The following PTPRT variants were observed in gnomAD, a reference collection of about 807,000 sequenced individuals.
PTPRT encodes the protein receptor-type tyrosine-protein phosphatase T.
Under a neutral mutation model 176.8 loss-of-function variants are expected in PTPRT, and 56 were observed. The ratio of observed to expected loss-of-function variants is 0.32; its 90% CI spans 0.26 to 0.40. PTPRT has a LOEUF of 0.40. PTPRT is among the 10% of genes least tolerant of loss of function. PTPRT has a pLI of 1.00. For missense variants in PTPRT, 1,540 were observed against 1,908.2 expected, an observed-to-expected ratio of 0.81 and a Z score of 3.60; for synonymous variants, 783 against 739.0, an observed-to-expected ratio of 1.06 and a Z score of -0.96.
chr20:42,043,791 T>C, the PTPRT span, among the ~76,000 whole-genome samples: 1 of 152,178 alleles, frequency 6.6e-6, no homozygotes, highest in African/African-American at 2.4e-5. Flanking sequence ...GGACAATCGA[T>C]TTGTTTATTA....
At chr20:42,410,662 C>T (rs1167646732) in intron 9 of PTPRT, among the ~76,000 whole-genome samples, 1 of 151,530 alleles carries the variant, frequency 6.6e-6, no homozygotes, top group Non-Finnish European at 1.5e-5. Context: ...CGAGATAGAC[C>T]ATATACCATA....
At chr20:42,635,564 TG>T (rs1476839892) in intron 7 of PTPRT, among the ~76,000 whole-genome samples, 2 of 152,194 alleles carry the variant, frequency 1.3e-5, no homozygotes. Context: ...TTATTATTTT[TG>T]TTGCTAAAAC....
intron 17 of PTPRT, among the ~76,000 whole-genome samples, chr20:42,161,017 G>A (rs537412642): frequency 6.6e-6 from 1 of 152,288 alleles, no homozygotes; most frequent in Admixed American, 6.5e-5. Context: ...ATAGTGAATG[G>A]AGGTGAGACT....
intron 2 of PTPRT, among the ~76,000 whole-genome samples, chr20:42,872,860 C>G (rs941154184): frequency 6.6e-6 from 1 of 152,088 alleles, no homozygotes; most frequent in Non-Finnish European, 1.5e-5. Flanking sequence ...AGCTCAAAGT[C>G]TGAGGTTAGT....
At chr20:42,879,193 G>C (rs181063663) in intron 2 of PTPRT, among the ~76,000 whole-genome samples, 3 of 152,230 alleles carry the variant, frequency 2.0e-5, no homozygotes, top group African/African-American at 7.2e-5. Flanking sequence ...CCATGAGCTG[G>C]GTGGCTTAAG....
chr20:43,155,239 T>A (rs1036494321), intron 1 of PTPRT, among the ~76,000 whole-genome samples: 1 of 152,192 alleles, frequency 6.6e-6, no homozygotes, highest in Admixed American at 6.5e-5. Flanking sequence ...TGAAGAGATA[T>A]CTGCATTCCC....
chr20:42,563,331 GC>G (rs1273999707), intron 7 of PTPRT, among the ~76,000 whole-genome samples: 4 of 152,090 alleles, frequency 2.6e-5, no homozygotes, highest in African/African-American at 4.8e-5. Flanking sequence ...ATTAAAACAA[GC>G]TATTATTTTT....
intron 7 of PTPRT, among the ~76,000 whole-genome samples, chr20:42,609,363 C>T (rs2009421): frequency 0.052 from 7,841 of 152,160 alleles, 728 homozygotes; most frequent in African/African-American, 0.18. Flanking sequence ...CTTGAGCCAC[C>T]GCACCCAGCC....
intron 1 of PTPRT, among the ~76,000 whole-genome samples, chr20:43,097,011 C>G (rs564758055): frequency 6.6e-6 from 1 of 152,176 alleles, no homozygotes; most frequent in South Asian, 2.1e-4. Context: ...AAGGCCTCAG[C>G]GACCATAAAT....
At chr20:42,507,385 A>C (rs1400658262) in intron 7 of PTPRT, among the ~76,000 whole-genome samples, 1 of 152,112 alleles carries the variant, frequency 6.6e-6, no homozygotes, top group Admixed American at 6.5e-5. Flanking sequence ...TATGTCACTT[A>C]CACTCACACG....
chr20:42,073,520 T>A lies in PTPRT; in HGVS notation c.*7359A>T, dbSNP rs1406904659. ...GTAAGAAAAGCCCTGCTCTGTGTCC[T>A]ACTTGGACCTTCACTGGTTCTGGCT... On this transcript the variant is annotated 3_prime_UTR_variant, in exon 31 of 31. Transcript: ENST00000373187. The A allele has an allele frequency of 4.7e-6, 1 of 213,482 alleles. No individual in the cohort carries two copies. Among genetic ancestry groups the A allele is most frequent in the Non-Finnish European group, 9.5e-6 (1 of 105,334 alleles). The allele number at this position is 213,482 out of a possible 1,614,324, so 13.2% of individuals were successfully genotyped here. A position where few individuals can be genotyped will look rare whatever the true frequency, so the allele number is the denominator to read the frequency against.
intron 1 of PTPRT, among the ~76,000 whole-genome samples, chr20:43,103,306 C>T (rs11904923): frequency 1.6e-3 from 245 of 152,292 alleles, no homozygotes; most frequent in African/African-American, 5.7e-3. Flanking sequence ...TGGGGATTTT[C>T]GGTCAGACAA....
rs1432197004 is a variant in PTPRT at position 42,106,135 on chromosome 20, T to C, written c.3390+651A>G. 2.6e-5 allele frequency among the ~76,000 whole-genome samples: 4 copies of C among 152,232 alleles called. No individual in the cohort carries two copies. In the East Asian group the frequency reaches 7.7e-4, roughly 29 times the overall value. On this transcript the variant is annotated intron_variant, in intron 24 of 30. Coordinates refer to ENST00000373187, the MANE Select transcript of PTPRT (RefSeq NM_007050.6). ...ATAAATTGGAGATAATACTAGGAGC[T>C]ACACCATAGCTGGTTTGGAGGAGTA...
At chr20:42,687,451 C>T (rs1399360160) in intron 6 of PTPRT, 1 of 152,310 alleles carries the variant, frequency 6.6e-6, no homozygotes, top group Non-Finnish European at 1.5e-5. Context: ...CCTTATCCCC[C>T]AAAACCTCAA....
At chr20:42,644,558 G>A (rs561351144) in intron 7 of PTPRT, among the ~76,000 whole-genome samples, 184 of 152,208 alleles carry the variant, frequency 1.2e-3, no homozygotes, top group African/African-American at 4.2e-3. Flanking sequence ...GGGGACAGGG[G>A]CTATAGGATG....
chr20:43,124,490 T>C (rs1037524223), intron 1 of PTPRT, among the ~76,000 whole-genome samples: 1 of 152,158 alleles, frequency 6.6e-6, no homozygotes, highest in African/African-American at 2.4e-5. Flanking sequence ...TGGCTGTGCA[T>C]TTGGACCCCA....
At chr20:43,134,734 A>C (rs1401373367) in intron 1 of PTPRT, among the ~76,000 whole-genome samples, 1 of 152,150 alleles carries the variant, frequency 6.6e-6, no homozygotes, top group African/African-American at 2.4e-5. Flanking sequence ...CTAGCTACCT[A>C]TTTTCTAATT....
chr20:42,452,653 A>G (rs140891511), intron 8 of PTPRT, among the ~76,000 whole-genome samples: 85 of 152,278 alleles, frequency 5.6e-4, no homozygotes, highest in Non-Finnish European at 1.0e-3. Flanking sequence ...CTGATGGACA[A>G]TAAGAAGTGT....
chr20:42,363,015 A>G (rs1448594800), intron 9 of PTPRT, among the ~76,000 whole-genome samples: 5 of 149,084 alleles, frequency 3.4e-5, no homozygotes, highest in African/African-American at 1.2e-4. Context: ...GAGGCAGGAG[A>G]ATCACTTGAA....
Sources: gnomAD v4.1 joint callset for allele counts (sites outside exome capture counted in the v4.1 genomes callset) on GRCh38, gnomAD v4.1.1 for gene constraint, MANE v1.5 for transcripts, NCBI Gene and HGNC (gene_info 2026-07-23, HGNC 2026-07-21) for gene names.